The following SOX6 variants were observed in gnomAD, a reference collection of about 807,000 sequenced individuals.
SOX6 encodes the protein transcription factor SOX-6.
SOX6 carries 11 observed loss-of-function variants against 97.8 expected under a neutral mutation model. That is an observed-to-expected ratio of 0.11 (90% confidence interval 0.07 to 0.19). The LOEUF is 0.19. Ranked by LOEUF, SOX6 falls within the 10% of genes least tolerant of loss-of-function variation. The pLI, the probability that SOX6 is intolerant of heterozygous loss-of-function variation, is 1.00. For synonymous variants in SOX6, 360 were observed against 371.4 expected (o/e 0.97, Z 0.35); for missense variants, 810 against 1,039.5 (o/e 0.78, Z 3.04).
At chr11:16,411,996 T>C (rs1419902277) in intron 1 of SOX6, among the ~76,000 whole-genome samples, 1 of 152,222 alleles carries the variant, frequency 6.6e-6, no homozygotes, top group Non-Finnish European at 1.5e-5. Flanking sequence ...CTTGTGTATC[T>C]AATAAAAGTA....
At chr11:15,975,294 T>C (rs1000358502) in intron 15 of SOX6, among the ~76,000 whole-genome samples, 2 of 152,240 alleles carry the variant, frequency 1.3e-5, no homozygotes, top group Non-Finnish European at 2.9e-5. Flanking sequence ...AAATTAAATT[T>C]TATGCTAACC....
intron 6 of SOX6, among the ~76,000 whole-genome samples, chr11:16,117,280 G>A (rs936531964): frequency 6.6e-6 from 1 of 150,488 alleles, no homozygotes; most frequent in Non-Finnish European, 1.5e-5. Flanking sequence ...TTGAACCCAG[G>A]AGGCAGAGGT....
At chr11:16,178,841 G>A (rs930958492) in intron 6 of SOX6, among the ~76,000 whole-genome samples, 2 of 151,862 alleles carry the variant, frequency 1.3e-5, no homozygotes, top group Non-Finnish European at 1.5e-5. Flanking sequence ...CTAAGACAGA[G>A]GGACTATGTG....
intron 9 of SOX6, among the ~76,000 whole-genome samples, chr11:16,078,933 C>A (rs957470306): frequency 6.6e-6 from 1 of 152,058 alleles, no homozygotes; most frequent in East Asian, 1.9e-4. Context: ...CTGAGCTGGG[C>A]AAGAGGTAAT....
At chr11:16,124,926 C>T (rs1205515692) in intron 6 of SOX6, among the ~76,000 whole-genome samples, 1 of 151,934 alleles carries the variant, frequency 6.6e-6, no homozygotes. Flanking sequence ...TAGAAAACAC[C>T]TCAGTAGACC....
chr11:16,522,163 C>A (rs369820415), intron 4 of SOX6, among the ~76,000 whole-genome samples: 2 of 151,940 alleles, frequency 1.3e-5, no homozygotes, highest in Non-Finnish European at 2.9e-5. Context: ...AGAGCAACTC[C>A]AAGACACATA....
intron 9 of SOX6, among the ~76,000 whole-genome samples, chr11:16,074,152 A>C (rs1336214012): frequency 6.6e-6 from 1 of 152,140 alleles, no homozygotes; most frequent in African/African-American, 2.4e-5. Context: ...AAAAATCAAC[A>C]AACCTGGTAG....
chr11:16,240,312 GTGT>G (rs1853149584), intron 3 of SOX6, among the ~76,000 whole-genome samples: 1 of 150,862 alleles, frequency 6.6e-6, no homozygotes, highest in Admixed American at 6.7e-5. Context: ...GTGTGTGTGT[GTGT>G]GGCAGTGGAA....
chr11:16,458,208 C>T (rs1184419954), intron 1 of SOX6, among the ~76,000 whole-genome samples: 1 of 151,912 alleles, frequency 6.6e-6, no homozygotes, highest in Non-Finnish European at 1.5e-5. Context: ...AGGCATAAGA[C>T]ACTCAGTTTT....
At chr11:16,257,414 G>T (rs1263655877) in intron 3 of SOX6, among the ~76,000 whole-genome samples, 1 of 151,814 alleles carries the variant, frequency 6.6e-6, no homozygotes, top group Non-Finnish European at 1.5e-5. Context: ...CATAAATATG[G>T]TCAACTGATT....
intron 1 of SOX6, among the ~76,000 whole-genome samples, chr11:16,449,537 C>T (rs12806133): frequency 0.31 from 47,439 of 151,962 alleles, 8,339 homozygotes; most frequent in Non-Finnish European, 0.4. Context: ...CGTGATCTGC[C>T]CGCCTCGGCC....
intron 4 of SOX6, among the ~76,000 whole-genome samples, chr11:16,542,413 T>C (rs1043215228): frequency 1.3e-5 from 2 of 152,182 alleles, no homozygotes; most frequent in Non-Finnish European, 2.9e-5. Context: ...TGTATACCTA[T>C]GTAACAAACC....
chr11:16,583,616 T>TATATATATATATATATATATATAC (rs1848056296), intron 4 of SOX6, among the ~76,000 whole-genome samples: 8 of 52,468 alleles, frequency 1.5e-4, no homozygotes, highest in Non-Finnish European at 2.5e-4. Flanking sequence ...TATATATACA[T>TATATATATATATATATATATATAC]ATATATATAT....
intron 3 of SOX6, among the ~76,000 whole-genome samples, chr11:16,660,126 G>A (rs184853776): frequency 1.3e-5 from 2 of 151,996 alleles, no homozygotes; most frequent in East Asian, 3.9e-4. Flanking sequence ...ATTGATTTCT[G>A]CTCTTTTGTT....
intron 3 of SOX6, among the ~76,000 whole-genome samples, chr11:16,256,656 G>A (rs1853698231): frequency 6.6e-6 from 1 of 151,864 alleles, no homozygotes; most frequent in African/African-American, 2.4e-5. Context: ...AGGGGAGGAT[G>A]TCCCCTCTTA....
chr11:16,202,104 T>G (rs1851957389), intron 4 of SOX6, among the ~76,000 whole-genome samples: 1 of 152,066 alleles, frequency 6.6e-6, no homozygotes, highest in Admixed American at 6.6e-5. Context: ...AACAGAAAAA[T>G]GCCCATGTAA....
At chr11:16,226,212 A>G (rs1212526642) in intron 4 of SOX6, among the ~76,000 whole-genome samples, 1 of 152,202 alleles carries the variant, frequency 6.6e-6, no homozygotes, top group Admixed American at 6.5e-5. Flanking sequence ...TACCTACAAG[A>G]ACATCTACCT....
intron 6 of SOX6, among the ~76,000 whole-genome samples, chr11:16,175,121 G>GATTATAGTACCTACACATAGAATACAC (rs1341018341): frequency 1.3e-5 from 2 of 151,822 alleles, no homozygotes; most frequent in African/African-American, 4.8e-5. Flanking sequence ...CCTACACATT[G>GATTATAGTACCTACACATAGAATACAC]ATTATTCTAT....
chr11:16,689,380 C>T (rs1847995097), intron 3 of SOX6, among the ~76,000 whole-genome samples: 1 of 152,232 alleles, frequency 6.6e-6, no homozygotes, highest in Non-Finnish European at 1.5e-5. Context: ...TGAAAACTCT[C>T]TCAAGGTTGT....
Sources: gnomAD v4.1 joint callset for allele counts (sites outside exome capture counted in the v4.1 genomes callset) on GRCh38, gnomAD v4.1.1 for gene constraint, MANE v1.5 for transcripts, NCBI Gene and HGNC (gene_info 2026-07-23, HGNC 2026-07-21) for gene names.